Variants in BBS2 observed in about 807,000 individuals in gnomAD.
The protein encoded by BBS2 is BBSome complex member BBS2.
Under a neutral mutation model 83.0 loss-of-function variants are expected in BBS2, and 62 were observed. That is an observed-to-expected ratio of 0.75 (90% confidence interval 0.61 to 0.92). The LOEUF (loss-of-function observed/expected upper bound fraction) is 0.92. Among genes scored for constraint, BBS2 ranks in the 40% least tolerant of loss-of-function variants. BBS2 has a pLI of 0.00. For missense variants in BBS2, 784 were observed against 901.0 expected (o/e 0.87, Z 1.66); for synonymous variants, 303 against 326.1 (o/e 0.93, Z 0.76).
At chr16:56,484,958 G>A in intron 16 of BBS2, 91 bp from the exon 17 acceptor site, 2 of 938,382 alleles carry the variant, frequency 2.1e-6, no homozygotes, top group Non-Finnish European at 3.4e-6. Context: ...AAAACCAGGA[G>A]GGAAAAGAGT....
chr16:56,473,130 C>A (rs1409262566), intron 17 of BBS2, among the ~76,000 whole-genome samples: 1 of 152,070 alleles, frequency 6.6e-6, no homozygotes, highest in East Asian at 1.9e-4. Flanking sequence ...CGGGGTTTCA[C>A]CGTGTTAGCC....
At chr16:56,498,248 A>G (rs1179951586) in intron 13 of BBS2, among the ~76,000 whole-genome samples, 189 bp downstream of exon 13, 1 of 152,182 alleles carries the variant, frequency 6.6e-6, no homozygotes, top group Non-Finnish European at 1.5e-5. Flanking sequence ...CTAACAGACT[A>G]AGTTAAACCA....
intron 13 of BBS2, 64 bp downstream of exon 13, chr16:56,498,373 G>A: frequency 4.4e-6 from 7 of 1,582,360 alleles, no homozygotes; most frequent in African/African-American, 1.3e-5. Context: ...CTCATTCCAT[G>A]GTCTAAGTGT....
At chr16:56,514,747 A>C (rs1391481365) in intron 1 of BBS2, 67 bp from the exon 2 acceptor site, 1 of 1,265,580 alleles carries the variant, frequency 7.9e-7, no homozygotes, top group Non-Finnish European at 1.1e-6. Flanking sequence ...ATTTTTTTAA[A>C]AAAGAACCAG....
chr16:56,492,051 TTAAA>T (rs1384951778), intron 15 of BBS2, among the ~76,000 whole-genome samples: 9 of 151,196 alleles, frequency 6.0e-5, no homozygotes, highest in Admixed American at 1.3e-4. Context: ...TTTTTAATGA[TTAAA>T]TATTAAAAAT....
chr16:56,494,154 GACTGGGTCT>G (rs1275155215), intron 15 of BBS2, among the ~76,000 whole-genome samples: 1 of 128,792 alleles, frequency 7.8e-6, no homozygotes, highest in Non-Finnish European at 1.6e-5. Context: ...TTTTTGCAGA[GACTGGGTCT>G]CACTATGTTG....
Position 56,502,693 on chromosome 16 carries a change from C to A in BBS2, c.920G>T (p.Cys307Phe). 6.2e-7 allele frequency: 1 copy of A among 1,614,168 alleles called. No individual in the cohort carries two copies. Among genetic ancestry groups the A allele is most frequent in the Non-Finnish European group, 8.5e-7 (1 of 1,180,040 alleles). Reference protein sequence around the residue: ...YRMDGHIQLICCSVDGEIRGY... With the variant: ...YRMDGHIQLIFCSVDGEIRGY... ...TTTACTTTCCCCATCCACTGAGCAG[C>A]AGATTAACTGTATGTGGCCATCCAT... Residue 307 changes from cysteine to phenylalanine, a missense_variant, in exon 8 of 17, where the codon TGC becomes TTC. By Grantham distance (205) the Cys-to-Phe change is radical. Transcript: ENST00000245157.
intron 5 of BBS2, among the ~76,000 whole-genome samples, chr16:56,506,557 T>C (rs893952806): frequency 6.6e-6 from 1 of 152,194 alleles, no homozygotes; most frequent in Non-Finnish European, 1.5e-5. Flanking sequence ...AAAATATGCA[T>C]ATACAATAGA....
intron 5 of BBS2, among the ~76,000 whole-genome samples, chr16:56,506,543 A>G (rs1964427257): frequency 1.3e-5 from 2 of 152,220 alleles, no homozygotes; most frequent in Non-Finnish European, 2.9e-5. Context: ...ACTACACAAG[A>G]TCGAAAATAT....
intron 17 of BBS2, among the ~76,000 whole-genome samples, chr16:56,472,013 G>C (rs1963214650): frequency 1.3e-5 from 2 of 152,138 alleles, no homozygotes; most frequent in South Asian, 2.1e-4. Flanking sequence ...CCAGGCTGGA[G>C]TGCAGTGGTG....
rs765030032 is a variant in BBS2 at position 56,502,720 on chromosome 16, C to T, written c.893G>A (p.Arg298Gln). ...GATTAACTGTATGTGGCCATCCATC[C>T]GGTAATCTCCCTCTACCACACCGGC... ...AIAGVVEGDY[R>Q]MDGHIQLICC... Residue 298 changes from arginine (R) to glutamine (Q), a missense_variant, in exon 8 of 17, where the codon CGG becomes CAG. Transcript: ENST00000245157. The T allele has an allele frequency of 1.2e-5, 20 of 1,614,020 alleles. No homozygotes were observed. The highest frequency in any genetic ancestry group is 2.2e-5 in the East Asian group (1 of 44,892).
chr16:56,480,554 C>T (rs893178635), downstream of BBS2, among the ~76,000 whole-genome samples: 2 of 151,954 alleles, frequency 1.3e-5, no homozygotes, highest in African/African-American at 4.8e-5. Context: ...ACCACACTGG[C>T]TAATTTTTGT....
At position 56,519,891 on chromosome 16, in the gene BBS2, G is replaced by T; in HGVS notation, c.-29C>A. On this transcript the variant is annotated 5_prime_UTR_variant, in exon 1 of 17. Transcript: ENST00000245157. ...GGCGGCGGCTTAGGGGAGGAGGGCT[G>T]GAAGCTGGAGACAAGCGCAGCGGAG... 6.4e-7 allele frequency: 1 copy of T among 1,573,542 alleles called. No homozygotes were observed.
chr16:56,487,140 C>T (rs1963805788), intron 15 of BBS2, among the ~76,000 whole-genome samples: 1 of 151,698 alleles, frequency 6.6e-6, no homozygotes, highest in Non-Finnish European at 1.5e-5. Flanking sequence ...AAACTGTAAA[C>T]CTTAAAAGCA....
chr16:56,501,601 A>ATAT (rs1446955770), intron 9 of BBS2, 104 bp from the exon 10 acceptor site: 6 of 1,390,074 alleles, frequency 4.3e-6, no homozygotes, highest in Non-Finnish European at 5.0e-6. Context: ...AGCCTCCAGC[A>ATAT]TATTATTATT....
chr16:56,485,459 T>C (rs965788269), intron 16 of BBS2, 131 bp downstream of exon 16: 1 of 1,236,572 alleles, frequency 8.1e-7, no homozygotes, highest in Non-Finnish European at 1.2e-6. Context: ...AAGTGACTGG[T>C]GCCAGCTCTG....
intron 1 of BBS2, among the ~76,000 whole-genome samples, chr16:56,516,791 C>T (rs1161076418): frequency 6.6e-6 from 1 of 152,178 alleles, no homozygotes; most frequent in Non-Finnish European, 1.5e-5. Context: ...TGTTTCTAGA[C>T]ATGCAGGCTT....
intron 17 of BBS2, among the ~76,000 whole-genome samples, chr16:56,471,674 A>T (rs1182036785): frequency 6.6e-6 from 1 of 152,226 alleles, no homozygotes; most frequent in Non-Finnish European, 1.5e-5. Flanking sequence ...ACTTGTGGAA[A>T]CAAAATCAGT....
At chr16:56,483,532 C>T (rs1166270066), downstream of BBS2, among the ~76,000 whole-genome samples, 1 of 152,094 alleles carries the variant, frequency 6.6e-6, no homozygotes, top group East Asian at 1.9e-4. Context: ...ATGGAGAAAT[C>T]CTTACATAAT....
Sources: gnomAD v4.1 joint callset for allele counts (sites outside exome capture counted in the v4.1 genomes callset) on GRCh38, gnomAD v4.1.1 for gene constraint, MANE v1.5 for transcripts, NCBI Gene and HGNC (gene_info 2026-07-23, HGNC 2026-07-21) for gene names.